The following SH3GL3 variants were observed in gnomAD, a reference collection of about 807,000 sequenced individuals.
SH3GL3 encodes the protein endophilin-A3.
A neutral mutation model predicts 47.7 loss-of-function variants in SH3GL3; 33 were observed. The observed-to-expected ratio is 0.69, with a 90% CI of 0.52 to 0.92. The LOEUF is 0.92. Ranked by LOEUF, SH3GL3 falls within the 40% of genes least tolerant of loss-of-function variation. The pLI, the probability that SH3GL3 is intolerant of heterozygous loss-of-function variation, is 0.00. For synonymous variants in SH3GL3, 155 were observed against 148.8 expected, an observed-to-expected ratio of 1.04 and a Z score of -0.30; for missense variants, 363 against 417.8, an observed-to-expected ratio of 0.87 and a Z score of 1.14.
chr15:83,553,381 T>G (rs1158367785), intron 1 of SH3GL3, among the ~76,000 whole-genome samples: 1 of 152,256 alleles, frequency 6.6e-6, no homozygotes, highest in East Asian at 1.9e-4. Context: ...TAAAATTCAC[T>G]CTATTATTAT....
rs1596278970 is a variant in SH3GL3, at chr15:83,568,544, T to A, written c.203T>A (p.Leu68Gln). Residue 68 changes from leucine (L) to glutamine (Q), a missense_variant, in exon 4 of 9, where the codon CTA (leucine) becomes CAA (glutamine). By Grantham distance (113) the Leu-to-Gln change is moderately radical (BLOSUM62 -2). Coordinates refer to ENST00000427482, the MANE Select transcript of SH3GL3 (RefSeq NM_003027.5). The part of the protein sequence containing the change: ...LQPNPAYRAK[L>Q]GMLNTVSKIR... ...TGTTTTTAAGCATACAGAGCTAAGC[T>A]AGGAATGCTGAACACTGTGTCGAAG... 6.2e-7 allele frequency: 1 copy of A among 1,613,372 alleles called. No homozygotes were observed. The highest frequency in any genetic ancestry group is 1.1e-5 in the South Asian group (1 of 91,044).
At chr15:83,479,879 T>C (rs1021525176) in intron 1 of SH3GL3, among the ~76,000 whole-genome samples, 1 of 152,196 alleles carries the variant, frequency 6.6e-6, no homozygotes, top group Non-Finnish European at 1.5e-5. Context: ...AAAATGAAGA[T>C]AATAATAATA....
At position 83,618,219 on chromosome 15, in the gene SH3GL3, A is replaced by G; in HGVS notation, c.976A>G (p.Met326Val). 2 of 1,611,808 alleles carry G rather than the reference A, an allele frequency of 1.2e-6. No individual in the cohort carries two copies. The highest frequency in any genetic ancestry group is 1.7e-6 in the Non-Finnish European group (2 of 1,177,790). Residue 326 changes from methionine to valine, a missense_variant, in exon 9 of 9, where the codon ATG becomes GTG. Met to Val is a conservative substitution (Grantham distance 21). Transcript: ENST00000427482. ...AATAGATGAAAACTGGTATGAAGGA[A>G]TGATACACGGAGAATCGGGATTCTT... ...NQIDENWYEG[M>V]IHGESGFFPI...
intron 1 of SH3GL3, among the ~76,000 whole-genome samples, chr15:83,532,149 T>C (rs1375313749): frequency 6.6e-6 from 1 of 152,164 alleles, no homozygotes; most frequent in African/African-American, 2.4e-5. Flanking sequence ...GAAGGGAAGA[T>C]AGGCAAATAA....
intron 1 of SH3GL3, among the ~76,000 whole-genome samples, chr15:83,548,966 T>C (rs2044534732): frequency 6.6e-6 from 1 of 152,182 alleles, no homozygotes; most frequent in East Asian, 1.9e-4. Flanking sequence ...TTTCATCTTC[T>C]TTCCCTTTAT....
At chr15:83,518,418 A>G (rs995243626) in intron 1 of SH3GL3, among the ~76,000 whole-genome samples, 7 of 152,134 alleles carry the variant, frequency 4.6e-5, no homozygotes, top group South Asian at 4.1e-4. Flanking sequence ...TTGACTTTTT[A>G]ATAATAGTCT....
chr15:83,625,683 G>C, the SH3GL3 span, among the ~76,000 whole-genome samples: 4 of 151,868 alleles, frequency 2.6e-5, no homozygotes, highest in South Asian at 8.3e-4. Flanking sequence ...TTTATTTTAA[G>C]TCATTTTATT....
At chr15:83,525,598 G>C (rs2043386352) in intron 1 of SH3GL3, among the ~76,000 whole-genome samples, 1 of 152,014 alleles carries the variant, frequency 6.6e-6, no homozygotes, top group Non-Finnish European at 1.5e-5. Flanking sequence ...TGTTTGCCTA[G>C]AACAATGCCC....
intron 8 of SH3GL3, among the ~76,000 whole-genome samples, chr15:83,597,297 G>GCTTC (rs1186114449): frequency 6.6e-6 from 1 of 152,106 alleles, no homozygotes; most frequent in Non-Finnish European, 1.5e-5. Flanking sequence ...GGATTCTCCT[G>GCTTC]CTTCCGCCTT....
intron 1 of SH3GL3, among the ~76,000 whole-genome samples, chr15:83,468,597 A>G (rs964813951): frequency 4.6e-5 from 7 of 152,196 alleles, no homozygotes; most frequent in Non-Finnish European, 7.3e-5. Flanking sequence ...TCAAATGTGC[A>G]TCAGTTGATA....
intron 1 of SH3GL3, among the ~76,000 whole-genome samples, chr15:83,522,491 G>C (rs1433398468): frequency 6.6e-6 from 1 of 152,180 alleles, no homozygotes; most frequent in Non-Finnish European, 1.5e-5. Flanking sequence ...TGTTGATAAA[G>C]GAAGAGGCAG....
intron 1 of SH3GL3, among the ~76,000 whole-genome samples, chr15:83,504,754 C>A (rs181759997): frequency 3.3e-4 from 50 of 152,326 alleles, no homozygotes; most frequent in East Asian, 1.9e-4. Context: ...GCCAGAATCA[C>A]CCACCTAAGC....
At chr15:83,583,267 T>A (rs1348584920) in intron 6 of SH3GL3, among the ~76,000 whole-genome samples, 1 of 152,164 alleles carries the variant, frequency 6.6e-6, no homozygotes, top group Non-Finnish European at 1.5e-5. Flanking sequence ...CTTCAGGGTG[T>A]GCTACTCTCT....
intron 1 of SH3GL3, among the ~76,000 whole-genome samples, chr15:83,493,564 C>G (rs187678976): frequency 6.6e-6 from 1 of 152,164 alleles, no homozygotes; most frequent in African/African-American, 2.4e-5. Context: ...GCCTTCACCT[C>G]CTCCATTGCA....
intron 6 of SH3GL3, among the ~76,000 whole-genome samples, chr15:83,578,284 C>T (rs367806037): frequency 1.3e-3 from 205 of 152,284 alleles, no homozygotes; most frequent in Non-Finnish European, 2.3e-3. Flanking sequence ...TGCCTCCCTC[C>T]GGAGCCCCTG....
At chr15:83,450,759 C>CTT (rs11389152) in intron 1 of SH3GL3, among the ~76,000 whole-genome samples, 13,204 of 44,548 alleles carry the variant, frequency 0.3, 1,985 homozygotes, top group South Asian at 0.53. Flanking sequence ...GGATATTTTT[C>CTT]TTTTTTTTTT....
the SH3GL3 span, among the ~76,000 whole-genome samples, chr15:83,627,609 T>C: frequency 6.6e-6 from 1 of 152,164 alleles, no homozygotes. Flanking sequence ...TTTTTTTTTA[T>C]GGTATGTCTG....
chr15:83,627,188 C>G, the SH3GL3 span, among the ~76,000 whole-genome samples: 20 of 152,120 alleles, frequency 1.3e-4, 1 homozygote, highest in Admixed American at 1.1e-3. Flanking sequence ...ACGAGGTCAG[C>G]AGACAGAGAC....
intron 1 of SH3GL3, among the ~76,000 whole-genome samples, chr15:83,543,814 A>G (rs889688125): frequency 2.6e-5 from 4 of 152,068 alleles, no homozygotes; most frequent in African/African-American, 9.7e-5. Context: ...ATTGTTGCTC[A>G]TAGTAGTCTC....
Sources: gnomAD v4.1 joint callset for allele counts (sites outside exome capture counted in the v4.1 genomes callset) on GRCh38, gnomAD v4.1.1 for gene constraint, MANE v1.5 for transcripts, NCBI Gene and HGNC (gene_info 2026-07-23, HGNC 2026-07-21) for gene names.